Variants in GRIN3A observed in about 807,000 individuals in gnomAD.
GRIN3A encodes glutamate ionotropic receptor NMDA type subunit 3A.
GRIN3A carries 47 observed loss-of-function variants against 92.4 expected under a neutral mutation model. That is an observed-to-expected ratio of 0.51 (90% CI 0.40 to 0.65). The LOEUF (loss-of-function observed/expected upper bound fraction) is 0.65. GRIN3A is among the 30% of genes least tolerant of loss of function. The probability of loss-of-function intolerance (pLI) is 0.00; values close to 1 mark genes in which losing one functional copy is unlikely to be tolerated. For synonymous variants in GRIN3A, 527 were observed against 540.6 expected (o/e 0.97, Z 0.35); for missense variants, 1,324 against 1,393.1 (o/e 0.95, Z 0.79).
intron 2 of GRIN3A, among the ~76,000 whole-genome samples, chr9:101,673,064 CT>C (rs1472967999): frequency 1.4e-4 from 22 of 152,186 alleles, no homozygotes; most frequent in African/African-American, 5.3e-4. Context: ...TTAATTTCTT[CT>C]GGTCAATTTA....
intron 8 of GRIN3A, 42 bp from the exon 9 acceptor site, chr9:101,573,555 GCT>G: frequency 6.9e-7 from 1 of 1,454,162 alleles, no homozygotes; most frequent in Non-Finnish European, 9.6e-7. Context: ...CCATTCTGCA[GCT>G]CTCAAGGTGC....
intron 1 of GRIN3A, among the ~76,000 whole-genome samples, chr9:101,726,675 A>G: frequency 6.6e-6 from 1 of 151,276 alleles, no homozygotes; most frequent in Middle Eastern, 3.4e-3. Flanking sequence ...TTTTATTTAA[A>G]ATTAAAAAAA....
At chr9:101,643,431 A>G (rs1336380467) in intron 3 of GRIN3A, among the ~76,000 whole-genome samples, 1 of 152,042 alleles carries the variant, frequency 6.6e-6, no homozygotes, top group Admixed American at 6.6e-5. Context: ...AGAAAATGTA[A>G]CCCTTGTACA....
chr9:101,725,775 A>G lies in GRIN3A; in HGVS notation c.699+11506T>C, dbSNP rs77381618. Among the ~76,000 whole-genome samples the G allele has an allele frequency of 2.6e-3, 393 of 152,258 alleles. 11 individuals carry two copies. Among genetic ancestry groups the G allele is most frequent in the Admixed American group, 0.02 (301 of 15,278 alleles). On this transcript the variant is annotated intron_variant, in intron 1 of 8. Transcript: ENST00000361820. ...ATTATTTATTACTGTGCTCATTCCT[A>G]TCTCAGGGTCTTTTTATTTTATGTT...
At chr9:101,664,532 A>G (rs1323412) in intron 3 of GRIN3A, among the ~76,000 whole-genome samples, 51,149 of 151,750 alleles carry the variant, frequency 0.34, 9,498 homozygotes, top group Non-Finnish European at 0.42. Flanking sequence ...CTTGAACCTC[A>G]TTTGCACAGC....
chr9:101,619,219 T>C lies in GRIN3A; in HGVS notation c.2614+4099A>G, dbSNP rs77945482. 2.4e-4 allele frequency among the ~76,000 whole-genome samples: 37 copies of C among 152,310 alleles called. No homozygotes were observed. In the East Asian group the frequency reaches 6.8e-3, roughly 28 times the overall value. The stretch of plus-strand genomic sequence containing the variant: ...GTTAAAAAGGCTTCAGGGTGAAAGA[T>C]TTATTCAATTTTGCAGTCTGTCCTT... On this transcript the variant is annotated intron_variant, in intron 5 of 8. Coordinates refer to ENST00000361820, the MANE Select transcript of GRIN3A (RefSeq NM_133445.3).
At chr9:101,595,156 T>C (rs1341036962) in intron 6 of GRIN3A, 1 of 571,502 alleles carries the variant, frequency 1.7e-6, no homozygotes, top group African/African-American at 1.9e-5. Context: ...AGGTGGGTGC[T>C]GTCTGGGCAG....
At chr9:101,734,724 A>T (rs1446342906) in intron 1 of GRIN3A, among the ~76,000 whole-genome samples, 1 of 151,940 alleles carries the variant, frequency 6.6e-6, no homozygotes, top group Non-Finnish European at 1.5e-5. Flanking sequence ...AGCAGCCCAA[A>T]ATAAAGTGAG....
intron 1 of GRIN3A, among the ~76,000 whole-genome samples, chr9:101,687,494 T>C (rs1227955811): frequency 6.6e-6 from 1 of 152,236 alleles, no homozygotes; most frequent in Non-Finnish European, 1.5e-5. Flanking sequence ...GTCAAGCTTG[T>C]CTACTGCCAT....
At chr9:101,719,418 T>TAAA (rs34048066) in intron 1 of GRIN3A, among the ~76,000 whole-genome samples, 1 of 139,974 alleles carries the variant, frequency 7.1e-6, no homozygotes, top group African/African-American at 2.7e-5. Flanking sequence ...GACTCCATCT[T>TAAA]AAAAAAAAAA....
rs1828584332 is a variant in GRIN3A at position 101,623,401 on chromosome 9, A to G, written c.2531T>C (p.Met844Thr). The change falls in exon 5 of 9, where the codon ATG (methionine) becomes ACG (threonine). Residue 844 changes from methionine to threonine, a missense_variant. Physicochemically the swap from Met to Thr is moderately conservative, Grantham distance 81 (BLOSUM62 -1). Transcript: ENST00000361820. ...TTCATAATCCAGAAGGGCTTTGTCC[A>G]TGATGAAGGCGTCTAGTTTCTCTGG... The part of the protein sequence containing the change: ...NDPEKLDAFI[M>T]DKALLDYEVS... The G allele has an allele frequency of 4.3e-6, 7 of 1,613,322 alleles. No individual in the cohort carries two copies. Among genetic ancestry groups the G allele is most frequent in the African/African-American group, 4.0e-5 (3 of 75,048 alleles).
intron 3 of GRIN3A, 62 bp downstream of exon 3, chr9:101,669,998 A>G (rs1829295272): frequency 1.6e-6 from 2 of 1,230,562 alleles, no homozygotes. Context: ...ACTACAGCAG[A>G]AGATACAACA....
At position 101,670,180 on chromosome 9, in the gene GRIN3A, A is replaced by G. The variant is rs200841145; in HGVS notation, c.2232T>C (p.Phe744=). The G allele has an allele frequency of 2.5e-5, 41 of 1,613,914 alleles. No individual in the cohort carries two copies. In the African/African-American group the frequency reaches 4.9e-4, roughly 19 times the overall value. The change falls in exon 3 of 9, where the codon TTT becomes TTC. Residue 744 remains phenylalanine, a synonymous_variant. Coordinates refer to ENST00000361820, the MANE Select transcript of GRIN3A (RefSeq NM_133445.3). ...AGAAAATGGCCCAAAGGTTCATTAGAAACCTTCCAGTCCAACATTTTGGAG... is the reference window on the plus strand; with the variant it reads ...AGAAAATGGCCCAAAGGTTCATTAGGAACCTTCCAGTCCAACATTTTGGAG... The part of the protein sequence containing the change: ...IKPPKCWTGR[F]LMNLWAIFCM...
rs1176245564 is a variant in GRIN3A, at chr9:101,737,912, A to G, written c.68T>C (p.Leu23Pro). The G allele has an allele frequency of 1.3e-6, 2 of 1,536,144 alleles. No individual in the cohort carries two copies. The highest frequency in any genetic ancestry group is 1.7e-6 in the Non-Finnish European group (2 of 1,147,488). ...VCLLLPPPCA[L>P]VLAGVPSSSS... is the part of the protein sequence containing the mutation. Reference sequence around the variant, plus strand: ...GGAGCTGGGCACCCCGGCCAGCACCAGTGCGCAGGGCGGCGGCAACAGCAG... The same window carrying G: ...GGAGCTGGGCACCCCGGCCAGCACCGGTGCGCAGGGCGGCGGCAACAGCAG... Residue 23 changes from leucine to proline, a missense_variant, in exon 1 of 9, where the codon CTG (leucine) becomes CCG (proline). Physicochemically the swap from Leu to Pro is moderately conservative, Grantham distance 98. Transcript: ENST00000361820.
At chr9:101,663,683 ATGTCCTTT>A (rs1241996446) in intron 3 of GRIN3A, among the ~76,000 whole-genome samples, 1 of 132,792 alleles carries the variant, frequency 7.5e-6, no homozygotes, top group Non-Finnish European at 1.8e-5. Flanking sequence ...GGCTCTGCCA[ATGTCCTTT>A]TTTTTAAATA....
chr9:101,659,243 G>C (rs1045841481), intron 3 of GRIN3A, among the ~76,000 whole-genome samples: 53 of 151,560 alleles, frequency 3.5e-4, no homozygotes, highest in Non-Finnish European at 7.1e-4. Context: ...TGAACACAGA[G>C]TTAATAGACA....
At chr9:101,626,362 G>A (rs1828634852) in intron 4 of GRIN3A, among the ~76,000 whole-genome samples, 1 of 152,178 alleles carries the variant, frequency 6.6e-6, no homozygotes, top group African/African-American at 2.4e-5. Flanking sequence ...TGATGGGAGA[G>A]GGAAAGGACA....
At chr9:101,702,338 T>G (rs1237420910) in intron 1 of GRIN3A, among the ~76,000 whole-genome samples, 3 of 152,140 alleles carry the variant, frequency 2.0e-5, no homozygotes, top group African/African-American at 7.2e-5. Flanking sequence ...ACTTTACATT[T>G]TCTTATCCAA....
At chr9:101,603,652 A>G (rs1457315949) in intron 6 of GRIN3A, among the ~76,000 whole-genome samples, 1 of 152,224 alleles carries the variant, frequency 6.6e-6, no homozygotes, top group Non-Finnish European at 1.5e-5. Flanking sequence ...GTAAAGGCCT[A>G]TAATTTACTT....
Sources: gnomAD v4.1 joint callset for allele counts (sites outside exome capture counted in the v4.1 genomes callset) on GRCh38, gnomAD v4.1.1 for gene constraint, MANE v1.5 for transcripts, NCBI Gene and HGNC (gene_info 2026-07-23, HGNC 2026-07-21) for gene names.